Variants in TDRP observed in about 807,000 individuals in gnomAD.
TDRP encodes the protein testis development related protein.
TDRP carries 12 observed loss-of-function variants against 10.5 expected under a neutral mutation model. The ratio of observed to expected loss-of-function variants is 1.15; its 90% CI spans 0.73 to 1.86. The LOEUF (loss-of-function observed/expected upper bound fraction) is 1.86. Ranked by LOEUF, TDRP falls within the 40% of genes most tolerant of loss-of-function variation. TDRP has a pLI of 0.00. For synonymous variants in TDRP, 139 were observed against 95.4 expected (o/e 1.46, Z -2.67); for missense variants, 353 against 229.2 (o/e 1.54, Z -3.49).
chr8:494,673 T>A (rs1277430786), intron 1 of TDRP, 76 bp from the exon 2 acceptor site: 3 of 1,332,246 alleles, frequency 2.3e-6, no homozygotes, highest in African/African-American at 1.4e-5. Context: ...CCAATAACCA[T>A]GGAGTTGAAA....
chr8:502,337 G>C lies in TDRP; in HGVS notation c.109-7740C>G, dbSNP rs114927093. ...TCAAACTGTGAGACCAAATCCCACAGTCATCAGATGAGACCCATCAGGCCA... is the reference window on the plus strand; with the variant it reads ...TCAAACTGTGAGACCAAATCCCACACTCATCAGATGAGACCCATCAGGCCA... On this transcript the variant is annotated intron_variant, in intron 1 of 2. Coordinates refer to ENST00000324079, the MANE Select transcript of TDRP (RefSeq NM_001384899.1). 9.9e-3 allele frequency among the ~76,000 whole-genome samples: 1,503 copies of C among 152,276 alleles called. 25 individuals are homozygous for C. Among genetic ancestry groups the C allele is most frequent in the African/African-American group, 0.033 (1,385 of 41,554 alleles).
At chr8:498,536 G>A (rs550575298) in intron 1 of TDRP, among the ~76,000 whole-genome samples, 3 of 152,270 alleles carry the variant, frequency 2.0e-5, no homozygotes, top group African/African-American at 4.8e-5. Flanking sequence ...TAGGCAGAAG[G>A]GACTTACCTT....
chr8:526,532 C>T (rs1802039885), intron 1 of TDRP, among the ~76,000 whole-genome samples: 1 of 152,120 alleles, frequency 6.6e-6, no homozygotes, highest in Non-Finnish European at 1.5e-5. Context: ...TTTGCATATA[C>T]TGAACCATCC....
Position 491,644 on chromosome 8 carries a change from A to T in TDRP, c.*755T>A, listed in dbSNP as rs763918349. On this transcript the variant is annotated 3_prime_UTR_variant, in exon 3 of 3. Transcript: ENST00000324079. ...GTTTCCTAAATGAAATTATCAACTGACTAAAATTGATCCATACTTCTTTAA... is the reference window on the plus strand; with the variant it reads ...GTTTCCTAAATGAAATTATCAACTGTCTAAAATTGATCCATACTTCTTTAA... 1.6e-5 allele frequency: 25 copies of T among 1,531,420 alleles called. No homozygotes were observed. In the South Asian group the frequency reaches 2.3e-4, roughly 14 times the overall value. The allele number at this position is 1,531,420 out of a possible 1,614,324, so 94.9% of individuals were successfully genotyped here.
intron 1 of TDRP, among the ~76,000 whole-genome samples, chr8:495,773 C>T (rs535990547): frequency 2.6e-4 from 40 of 152,338 alleles, no homozygotes; most frequent in Non-Finnish European, 4.4e-4. Flanking sequence ...GAATACAATT[C>T]AATCAACCCT....
At chr8:524,091 G>C (rs1355882738) in intron 1 of TDRP, among the ~76,000 whole-genome samples, 1 of 152,198 alleles carries the variant, frequency 6.6e-6, no homozygotes, top group African/African-American at 2.4e-5. Flanking sequence ...GTTCCCAGCA[G>C]TTCAGCACAG....
intron 1 of TDRP, among the ~76,000 whole-genome samples, chr8:501,189 G>T (rs1563118065): frequency 6.6e-6 from 1 of 151,904 alleles, no homozygotes; most frequent in Non-Finnish European, 1.5e-5. Context: ...CTGGGCGACA[G>T]AGTGAGACTC....
In TDRP at chr8:503,430, T is replaced by C. The variant is rs73672337; in HGVS notation, c.109-8833A>G. On this transcript the variant is annotated intron_variant, in intron 1 of 2. Transcript: ENST00000324079. ...TCAACACGGAATCCACAGCCACGCA[T>C]TGGAACCCGTGCCCACCTCAGCACG... Among the ~76,000 whole-genome samples the C allele has an allele frequency of 8.4e-3, 1,131 of 135,176 alleles. 12 individuals carry two copies. The highest frequency in any genetic ancestry group is 0.03 in the African/African-American group (1,065 of 35,296). 88.7% of individuals were successfully genotyped at this position (135,176 alleles called of 152,430 possible). A position where few individuals can be genotyped will look rare whatever the true frequency, so the allele number is the denominator to read the frequency against.
At chr8:530,508 T>A (rs1302957268) in intron 1 of TDRP, among the ~76,000 whole-genome samples, 2 of 152,288 alleles carry the variant, frequency 1.3e-5, no homozygotes, top group African/African-American at 2.4e-5. Flanking sequence ...GGAGAAGAAC[T>A]TCACCAATCA....
At chr8:524,636 A>G (rs555766963) in intron 1 of TDRP, among the ~76,000 whole-genome samples, 85 of 152,222 alleles carry the variant, frequency 5.6e-4, no homozygotes, top group Non-Finnish European at 1.1e-3. Flanking sequence ...AGAAATTCTG[A>G]AAAATTTACA....
intron 1 of TDRP, among the ~76,000 whole-genome samples, chr8:497,253 C>T (rs1185276759): frequency 6.6e-6 from 1 of 152,162 alleles, no homozygotes; most frequent in Non-Finnish European, 1.5e-5. Context: ...AAAATGCTGA[C>T]AGTGATACAG....
chr8:492,079 A>G lies in TDRP; in HGVS notation c.*320T>C, dbSNP rs1760. On this transcript the variant is annotated 3_prime_UTR_variant, in exon 3 of 3. Coordinates refer to ENST00000324079, the MANE Select transcript of TDRP (RefSeq NM_001384899.1). The stretch of plus-strand genomic sequence containing the variant: ...AACTACAACACAGAGCAGCATGAAA[A>G]TCATTTTGTGAGAAACTGCAAATCA... The G allele has an allele frequency of 0.16, 190,355 of 1,161,254 alleles. 16,866 individuals are homozygous for G. The highest frequency in any genetic ancestry group is 0.29 in the African/African-American group (18,524 of 62,878). 71.9% of individuals were successfully genotyped at this position (1,161,254 alleles called of 1,614,324 possible). A position where few individuals can be genotyped will look rare whatever the true frequency, so the allele number is the denominator to read the frequency against.
In TDRP at chr8:536,594, T is replaced by C. The variant is rs145354145; in HGVS notation, c.108+8056A>G. On this transcript the variant is annotated intron_variant, in intron 1 of 2. Coordinates refer to ENST00000324079, the MANE Select transcript of TDRP (RefSeq NM_001384899.1). ...ATATCTTGTGCTGGTAAATGTAAAA[T>C]ACACATAGATATGAGAGTATGAAAA... Among the ~76,000 whole-genome samples the C allele has an allele frequency of 2.2e-3, 342 of 152,288 alleles. 1 individual carries two copies. The highest frequency in any genetic ancestry group is 7.7e-3 in the African/African-American group (319 of 41,554).
In TDRP at chr8:490,628, G is replaced by GT. The variant is rs1291148426; in HGVS notation, c.*1770dup. The GT allele has an allele frequency of 4.6e-5, 7 of 152,344 alleles. No homozygotes were observed. The highest frequency in any genetic ancestry group is 2.1e-4 in the South Asian group (1 of 4,826). 9.4% of individuals were successfully genotyped at this position (152,344 alleles called of 1,614,324 possible). A position where few individuals can be genotyped will look rare whatever the true frequency, so the allele number is the denominator to read the frequency against. ...GTATTTGCAGAAGTCATGAAATGGT[G>GT]TATGTTTTTACTATCCCAGCAAGCA... On this transcript the variant is annotated 3_prime_UTR_variant, in exon 3 of 3. Transcript: ENST00000324079.
At chr8:510,719 A>C (rs1000518765) in intron 1 of TDRP, among the ~76,000 whole-genome samples, 1 of 152,276 alleles carries the variant, frequency 6.6e-6, no homozygotes. Context: ...AACCCACCTT[A>C]TGAGAAACAC....
intron 2 of TDRP, among the ~76,000 whole-genome samples, chr8:493,668 A>G (rs1019930539): frequency 6.6e-6 from 1 of 152,246 alleles, no homozygotes; most frequent in African/African-American, 2.4e-5. Context: ...ATTCTGAAAC[A>G]CTGATGATAA....
At position 491,397 on chromosome 8, in the gene TDRP, G is replaced by C. The variant is rs1447618426; in HGVS notation, c.*1002C>G. On this transcript the variant is annotated 3_prime_UTR_variant, in exon 3 of 3. Transcript: ENST00000324079. ...CATAACTGGCACCTGATACTGTGCAGGATCACATTGTCAAGGACAGTAAGC... is the reference window on the plus strand; with the variant it reads ...CATAACTGGCACCTGATACTGTGCACGATCACATTGTCAAGGACAGTAAGC... 1.4e-5 allele frequency: 6 copies of C among 434,992 alleles called. No homozygotes were observed. The East Asian group carries it at 2.1e-4, about 15-fold the overall frequency. The allele number at this position is 434,992 out of a possible 1,614,324, so 26.9% of individuals were successfully genotyped here.
At chr8:529,795 A>C (rs35454282) in intron 1 of TDRP, among the ~76,000 whole-genome samples, 1 of 151,888 alleles carries the variant, frequency 6.6e-6, no homozygotes, top group Admixed American at 6.6e-5. Flanking sequence ...TCTTCTTTCA[A>C]AATTCTCTAC....
chr8:498,028 A>G (rs1403510811), intron 1 of TDRP, among the ~76,000 whole-genome samples: 1 of 152,204 alleles, frequency 6.6e-6, no homozygotes, highest in Non-Finnish European at 1.5e-5. Flanking sequence ...ACATCCAAGC[A>G]GAAATCTGCT....
Sources: allele counts gnomAD v4.1 joint callset (sites outside exome capture counted in the v4.1 genomes callset), GRCh38; gene constraint gnomAD v4.1.1; transcripts MANE v1.5; gene names NCBI Gene and HGNC (gene_info 2026-07-23, HGNC 2026-07-21).